The following SYT16 variants were observed in gnomAD, a reference collection of about 807,000 sequenced individuals.
SYT16 encodes synaptotagmin 16.
In SYT16, 42 loss-of-function variants were observed where a neutral mutation model predicts 61.4. The observed-to-expected ratio is 0.68, with a 90% CI of 0.53 to 0.89. The LOEUF (loss-of-function observed/expected upper bound fraction) is 0.89. Among genes scored for constraint, SYT16 ranks in the 40% least tolerant of loss-of-function variants. The pLI is 0.00. For missense variants in SYT16, 804 were observed against 807.3 expected (o/e 1.00, Z 0.05); for synonymous variants, 314 against 302.3 (o/e 1.04, Z -0.40).
chr14:61,937,914 G>T (rs542948014), intron 1 of SYT16, among the ~76,000 whole-genome samples: 15 of 151,974 alleles, frequency 9.9e-5, no homozygotes, highest in African/African-American at 3.1e-4. Context: ...CAAGTATAAG[G>T]GTCAAAATGG....
chr14:61,904,049 C>T (rs217654), intron 1 of SYT16, among the ~76,000 whole-genome samples: 134,662 of 152,170 alleles, frequency 0.88, 59,727 homozygotes, highest in East Asian at 0.98. Flanking sequence ...ACTCCTTTGA[C>T]TGGGACCCGA....
intron 7 of SYT16, among the ~76,000 whole-genome samples, chr14:62,088,578 G>A (rs1183691238): frequency 2.0e-5 from 3 of 152,170 alleles, no homozygotes; most frequent in South Asian, 4.1e-4. Context: ...AGAAGTTGGT[G>A]AATGGCACTG....
intron 3 of SYT16, among the ~76,000 whole-genome samples, chr14:62,016,078 A>G (rs541734541): frequency 6.6e-6 from 1 of 152,268 alleles, no homozygotes; most frequent in Admixed American, 6.5e-5. Flanking sequence ...AAACTTGTCA[A>G]TAGTGAAACC....
chr14:61,973,127 A>G (rs2140533322), intron 2 of SYT16, among the ~76,000 whole-genome samples: 1 of 152,340 alleles, frequency 6.6e-6, no homozygotes, highest in South Asian at 2.1e-4. Flanking sequence ...CCTTTCGATT[A>G]TGTGGTAACA....
chr14:62,071,976 C>T (rs2056315395), intron 4 of SYT16, among the ~76,000 whole-genome samples: 1 of 152,102 alleles, frequency 6.6e-6, no homozygotes, highest in Non-Finnish European at 1.5e-5. Flanking sequence ...CTCTTTTGTC[C>T]TGTGTATCTG....
chr14:62,029,849 T>C (rs2054247640), intron 3 of SYT16, among the ~76,000 whole-genome samples: 1 of 152,210 alleles, frequency 6.6e-6, no homozygotes, highest in Non-Finnish European at 1.5e-5. Context: ...TCTCTGTGTG[T>C]ATGTGTGTGT....
chr14:61,847,452 T>G (rs1023963810), intron 1 of SYT16, among the ~76,000 whole-genome samples: 1 of 152,188 alleles, frequency 6.6e-6, no homozygotes, highest in African/African-American at 2.4e-5. Context: ...TTTATGTTAG[T>G]TGTTTCTTTT....
At chr14:62,026,676 G>A (rs2054115687) in intron 3 of SYT16, among the ~76,000 whole-genome samples, 1 of 152,098 alleles carries the variant, frequency 6.6e-6, no homozygotes, top group Non-Finnish European at 1.5e-5. Flanking sequence ...CTTTGTAGAG[G>A]CAGCAGCATG....
chr14:61,852,690 G>A (rs1001338446), intron 1 of SYT16, among the ~76,000 whole-genome samples: 3 of 152,090 alleles, frequency 2.0e-5, no homozygotes, highest in Non-Finnish European at 2.9e-5. Context: ...ATTGTGAGTG[G>A]CAATTCATTC....
chr14:61,987,800 TA>T (rs2052381760), intron 2 of SYT16, among the ~76,000 whole-genome samples: 1 of 151,630 alleles, frequency 6.6e-6, no homozygotes, highest in Non-Finnish European at 1.5e-5. Flanking sequence ...ATAATTAGTA[TA>T]AAAAACTTTA....
chr14:62,078,172 AAC>A lies in SYT16; in HGVS notation c.994-2638_994-2637del, dbSNP rs144022896. On this transcript the variant is annotated intron_variant, in intron 5 of 7. Transcript: ENST00000683842. ...CTCTCTCTCTATATATATATATATA[AAC>A]ACACACACACACACACACACACATA... is the stretch of plus-strand genomic sequence containing the variant. 5.9e-3 allele frequency among the ~76,000 whole-genome samples: 765 copies of A among 128,690 alleles called. 8 individuals carry two copies. The highest frequency in any genetic ancestry group is 0.02 in the African/African-American group (636 of 32,052). The allele number at this position is 128,690 out of a possible 152,430, so 84.4% of individuals were successfully genotyped here. A position where few individuals can be genotyped will look rare whatever the true frequency, so the allele number is the denominator to read the frequency against.
rs752732394 is a variant in SYT16, at chr14:61,996,525, T to G, written c.506T>G (p.Val169Gly). The G allele has an allele frequency of 6.3e-7, 1 of 1,598,060 alleles. No homozygotes were observed. The highest frequency in any genetic ancestry group is 1.3e-5 in the African/African-American group (1 of 74,378). Residue 169 changes from valine to glycine, a missense_variant, in exon 3 of 8, where the codon GTT becomes GGT. By Grantham distance (109) the Val-to-Gly change is moderately radical. Transcript: ENST00000683842. Reference sequence around the variant, plus strand: ...CAGCTCCCTGGTACTTTAGAAACTGTTAATGGAAAAAAGCAAGGTAAGCTA... The same window carrying G: ...CAGCTCCCTGGTACTTTAGAAACTGGTAATGGAAAAAAGCAAGGTAAGCTA... Reference protein sequence around the residue: ...DSQLPGTLETVNGKKQVNSFG... With the variant: ...DSQLPGTLETGNGKKQVNSFG...
intron 1 of SYT16, among the ~76,000 whole-genome samples, chr14:61,816,897 T>G (rs1044055444): frequency 1.1e-4 from 16 of 150,630 alleles, no homozygotes; most frequent in Admixed American, 4.0e-4. Context: ...TGTAGTCCCA[T>G]CTACTCGGGA....
intron 1 of SYT16, among the ~76,000 whole-genome samples, chr14:61,830,415 G>A (rs1178138083): frequency 1.3e-5 from 2 of 152,292 alleles, no homozygotes; most frequent in East Asian, 1.9e-4. Flanking sequence ...CTTGAATGTC[G>A]ATTTAGTTTT....
chr14:61,950,273 G>T (rs910580155), intron 1 of SYT16, among the ~76,000 whole-genome samples: 10 of 152,154 alleles, frequency 6.6e-5, no homozygotes, highest in Non-Finnish European at 1.2e-4. Flanking sequence ...GGGAAGTTTG[G>T]GGGAGTAACT....
intron 3 of SYT16, among the ~76,000 whole-genome samples, chr14:62,006,400 C>G (rs1444703730): frequency 6.6e-6 from 1 of 152,110 alleles, no homozygotes; most frequent in Non-Finnish European, 1.5e-5. Flanking sequence ...CCTTGTCAAG[C>G]TCGCTTTTCC....
At chr14:61,913,374 A>T (rs1376782772) in intron 1 of SYT16, among the ~76,000 whole-genome samples, 1 of 152,180 alleles carries the variant, frequency 6.6e-6, no homozygotes. Flanking sequence ...TACTTTAAAG[A>T]CTATAGTCTA....
Position 61,984,300 on chromosome 14 carries a change from T to C in SYT16, c.-144-11576T>C, listed in dbSNP as rs1426128825. ...TTTGTGGTTGAAGACCTAACTGGTA[T>C]TAATTTTAATAACATTTTAGGGCAA... is the stretch of plus-strand genomic sequence containing the variant. On this transcript the variant is annotated intron_variant, in intron 2 of 7. Transcript: ENST00000683842. 2.6e-5 allele frequency among the ~76,000 whole-genome samples: 4 copies of C among 152,180 alleles called. No homozygotes were observed. The East Asian group carries it at 7.7e-4, about 29-fold the overall frequency.
chr14:61,957,797 T>TGA (rs1228504199), intron 1 of SYT16, among the ~76,000 whole-genome samples: 7 of 151,990 alleles, frequency 4.6e-5, no homozygotes, highest in Non-Finnish European at 1.0e-4. Context: ...CTGGTGTTGG[T>TGA]ATTTGGTGAT....
Sources: gnomAD v4.1 joint callset for allele counts (sites outside exome capture counted in the v4.1 genomes callset) on GRCh38, gnomAD v4.1.1 for gene constraint, MANE v1.5 for transcripts, NCBI Gene and HGNC (gene_info 2026-07-23, HGNC 2026-07-21) for gene names.